KLHL32: variants seen among roughly 807,000 people sequenced by gnomAD.
KLHL32 encodes kelch-like protein 32.
Under a neutral mutation model 64.8 loss-of-function variants are expected in KLHL32, and 35 were observed. The ratio of observed to expected loss-of-function variants is 0.54; its 90% confidence interval spans 0.41 to 0.72. The LOEUF is 0.72. KLHL32 is among the 30% of genes least tolerant of loss of function. KLHL32 has a pLI of 0.00. For synonymous variants in KLHL32, 259 were observed against 281.0 expected, an observed-to-expected ratio of 0.92 and a Z score of 0.78; for missense variants, 589 against 768.5, an observed-to-expected ratio of 0.77 and a Z score of 2.76.
At chr6:96,931,109 AAAAC>A (rs71820477) in intron 1 of KLHL32, among the ~76,000 whole-genome samples, 19,737 of 152,124 alleles carry the variant, frequency 0.13, 1,521 homozygotes, top group East Asian at 0.26. Flanking sequence ...ACCAGGATAA[AAAAC>A]AAACAAACAA....
At chr6:97,026,729 G>C (rs1782765621) in intron 3 of KLHL32, among the ~76,000 whole-genome samples, 1 of 152,054 alleles carries the variant, frequency 6.6e-6, no homozygotes, top group African/African-American at 2.4e-5. Flanking sequence ...AAATAAGAGA[G>C]GGACTGTTGA....
intron 1 of KLHL32, among the ~76,000 whole-genome samples, chr6:96,959,109 C>T (rs375095601): frequency 1.2e-4 from 19 of 152,212 alleles, no homozygotes; most frequent in Admixed American, 7.8e-4. Context: ...GAAAGATGAG[C>T]GCTGATTGGA....
intron 1 of KLHL32, among the ~76,000 whole-genome samples, chr6:96,955,785 A>C (rs1340999044): frequency 1.3e-5 from 2 of 152,062 alleles, no homozygotes; most frequent in East Asian, 3.9e-4. Flanking sequence ...AAAAATATAA[A>C]AATTAGCTGG....
At chr6:96,991,237 A>G (rs902761305) in intron 3 of KLHL32, among the ~76,000 whole-genome samples, 4 of 151,994 alleles carry the variant, frequency 2.6e-5, no homozygotes, top group Admixed American at 6.5e-5. Context: ...AGCCCCTCCC[A>G]GGGAAACTTA....
At chr6:97,069,603 G>C (rs1790381229) in intron 5 of KLHL32, among the ~76,000 whole-genome samples, 1 of 152,056 alleles carries the variant, frequency 6.6e-6, no homozygotes, top group Non-Finnish European at 1.5e-5. Flanking sequence ...CTTTCGAGCA[G>C]AGGGATCACA....
chr6:97,044,452 T>C (rs532186315), intron 4 of KLHL32, among the ~76,000 whole-genome samples: 1 of 152,148 alleles, frequency 6.6e-6, no homozygotes, highest in Non-Finnish European at 1.5e-5. Flanking sequence ...TCATGGATAT[T>C]GGCCTGGAAT....
the KLHL32 span, among the ~76,000 whole-genome samples, chr6:96,902,429 T>A: frequency 1.8e-4 from 27 of 152,314 alleles, no homozygotes; most frequent in East Asian, 4.4e-3. Context: ...GTTCTTTGCA[T>A]ACTTTTTAAT....
chr6:97,002,648 C>A (rs1484162555), intron 3 of KLHL32, among the ~76,000 whole-genome samples: 1 of 152,204 alleles, frequency 6.6e-6, no homozygotes, highest in South Asian at 2.1e-4. Context: ...CAAGTAGGCC[C>A]CACTGTCTAT....
chr6:97,132,563 G>A (rs1799547606), intron 9 of KLHL32, 90 bp from the exon 10 acceptor site: 5 of 960,358 alleles, frequency 5.2e-6, no homozygotes, highest in Non-Finnish European at 6.5e-6. Context: ...GTGCCACAAA[G>A]GAAAATTGTA....
chr6:97,124,876 T>G (rs1405680780), intron 7 of KLHL32, among the ~76,000 whole-genome samples: 3 of 152,194 alleles, frequency 2.0e-5, no homozygotes, highest in Non-Finnish European at 4.4e-5. Flanking sequence ...CATTCTGTTT[T>G]TAATCACACA....
At chr6:96,961,071 C>T (rs1037744848) in intron 1 of KLHL32, among the ~76,000 whole-genome samples, 9 of 152,158 alleles carry the variant, frequency 5.9e-5, no homozygotes, top group African/African-American at 1.9e-4. Context: ...TAGATTTTCC[C>T]CACAAGAGTG....
intron 1 of KLHL32, among the ~76,000 whole-genome samples, chr6:96,931,951 T>A (rs1284793269): frequency 6.6e-6 from 1 of 152,248 alleles, no homozygotes; most frequent in Non-Finnish European, 1.5e-5. Context: ...TAGTTATGGT[T>A]ATTATTTTGG....
intron 3 of KLHL32, among the ~76,000 whole-genome samples, chr6:97,033,564 T>G (rs1783881285): frequency 6.6e-6 from 1 of 152,138 alleles, no homozygotes; most frequent in Non-Finnish European, 1.5e-5. Context: ...TGTTAGATCA[T>G]AAGCTAGTTC....
intron 3 of KLHL32, among the ~76,000 whole-genome samples, chr6:96,992,242 G>A (rs1376025441): frequency 6.6e-6 from 1 of 152,242 alleles, no homozygotes; most frequent in African/African-American, 2.4e-5. Flanking sequence ...GGGACCCAGG[G>A]TTGCAAAGGT....
chr6:97,012,644 A>G (rs147423963), intron 3 of KLHL32, among the ~76,000 whole-genome samples: 9 of 152,314 alleles, frequency 5.9e-5, no homozygotes, highest in African/African-American at 2.2e-4. Context: ...TGAATTTTTC[A>G]TAATTTTTGT....
chr6:97,088,612 A>G (rs974147771), intron 6 of KLHL32, among the ~76,000 whole-genome samples: 1 of 152,228 alleles, frequency 6.6e-6, no homozygotes, highest in South Asian at 2.1e-4. Context: ...GGGATCTAAT[A>G]TAGAGCATGG....
chr6:96,947,744 T>G (rs1327131995), intron 1 of KLHL32, among the ~76,000 whole-genome samples: 3 of 152,230 alleles, frequency 2.0e-5, no homozygotes, highest in Non-Finnish European at 4.4e-5. Context: ...TAAACTCTTA[T>G]AAACATGCTG....
At chr6:97,086,191 A>T (rs186033507) in intron 6 of KLHL32, among the ~76,000 whole-genome samples, 5 of 152,326 alleles carry the variant, frequency 3.3e-5, no homozygotes, top group Admixed American at 1.3e-4. Flanking sequence ...ACCAGGGAAA[A>T]TTTAAAGTCT....
Position 97,019,842 on chromosome 6 carries a change from C to T in KLHL32, c.205-21650C>T, listed in dbSNP as rs539287607. On this transcript the variant is annotated intron_variant, in intron 3 of 10. Transcript: ENST00000369261. ...GTCGCCAGGCTGGAGTGCAGTGGCGCGATCTTGGCTCACTGCAATCTCTGC... is the reference window on the plus strand; with the variant it reads ...GTCGCCAGGCTGGAGTGCAGTGGCGTGATCTTGGCTCACTGCAATCTCTGC... Among the ~76,000 whole-genome samples the T allele has an allele frequency of 5.3e-5, 8 of 152,096 alleles. No individual in the cohort carries two copies. The East Asian group carries it at 9.7e-4, about 18-fold the overall frequency.
Sources: gnomAD v4.1 joint callset for allele counts (sites outside exome capture counted in the v4.1 genomes callset) on GRCh38, gnomAD v4.1.1 for gene constraint, MANE v1.5 for transcripts, NCBI Gene and HGNC (gene_info 2026-07-23, HGNC 2026-07-21) for gene names.